SLFN12L: variants seen among roughly 807,000 people sequenced by gnomAD.
SLFN12L encodes schlafen family member 12-like.
Under a neutral mutation model 34.8 loss-of-function variants are expected in SLFN12L, and 34 were observed. That is an observed-to-expected ratio of 0.98 (90% CI 0.74 to 1.30). SLFN12L has a LOEUF of 1.30. Among genes scored for constraint, SLFN12L ranks in the 50% most tolerant of loss-of-function variants. The probability of loss-of-function intolerance (pLI) is 0.00; values close to 1 mark genes in which losing one functional copy is unlikely to be tolerated. For synonymous variants in SLFN12L, 259 were observed against 247.5 expected (o/e 1.05, Z -0.44); for missense variants, 703 against 696.2 (o/e 1.01, Z -0.11).
intron 2 of SLFN12L, among the ~76,000 whole-genome samples, chr17:35,519,114 C>T (rs1274911822): frequency 6.6e-6 from 1 of 152,184 alleles, no homozygotes; most frequent in Non-Finnish European, 1.5e-5. Context: ...CACATGTTCT[C>T]ACTTATGAGT....
Position 35,498,108 on chromosome 17 carries a change from C to T in SLFN12L, c.87-17913G>A, listed in dbSNP as rs973903214. 3.1e-5 allele frequency: 18 copies of T among 590,096 alleles called. No individual in the cohort carries two copies. The African/African-American group carries it at 3.4e-4, about 11-fold the overall frequency. 36.6% of individuals were successfully genotyped at this position (590,096 alleles called of 1,614,324 possible). ...CGGGGCGCGGGGCTCCAGGACACAG[C>T]TGAGCCGGCGGTCAGAGCGAGACCT... On this transcript the variant is annotated intron_variant, in intron 2 of 4. Transcript: ENST00000628453.
At chr17:35,508,225 G>T (rs1038132799) in intron 2 of SLFN12L, among the ~76,000 whole-genome samples, 4 of 152,214 alleles carry the variant, frequency 2.6e-5, no homozygotes, top group Non-Finnish European at 5.9e-5. Flanking sequence ...AGAGCTGTAA[G>T]CCCTTAAAAG....
At chr17:35,481,148 C>T (rs964826864) in intron 2 of SLFN12L, among the ~76,000 whole-genome samples, 1 of 152,232 alleles carries the variant, frequency 6.6e-6, no homozygotes, top group Non-Finnish European at 1.5e-5. Flanking sequence ...AGCGGTAACA[C>T]CAGCGCCAGG....
chr17:35,502,203 A>G (rs1187513397), intron 2 of SLFN12L, among the ~76,000 whole-genome samples: 1 of 151,922 alleles, frequency 6.6e-6, no homozygotes, highest in Non-Finnish European at 1.5e-5. Flanking sequence ...AGCCTATAAC[A>G]CTCCAATACC....
At chr17:35,505,421 C>T (rs1205061458) in intron 2 of SLFN12L, among the ~76,000 whole-genome samples, 1 of 152,200 alleles carries the variant, frequency 6.6e-6, no homozygotes, top group Non-Finnish European at 1.5e-5. Context: ...TCTGCTAGCA[C>T]AAGAGGTGGA....
chr17:35,487,510 A>G (rs1289175207), intron 2 of SLFN12L, among the ~76,000 whole-genome samples: 2 of 149,774 alleles, frequency 1.3e-5, no homozygotes, highest in Non-Finnish European at 3.0e-5. Context: ...GGAGGCTGGA[A>G]GGTTTGGCAG....
Position 35,475,364 on chromosome 17 carries a change from G to C in SLFN12L, c.1398C>G (p.Ile466Met), listed in dbSNP as rs369131378. 2 of 1,614,218 alleles carry C rather than the reference G, an allele frequency of 1.2e-6. No homozygotes were observed. Among genetic ancestry groups the C allele is most frequent in the South Asian group, 1.1e-5 (1 of 91,090 alleles). Residue 466 changes from isoleucine (I) to methionine (M), a missense_variant, in exon 5 of 5, where the codon ATC (isoleucine) becomes ATG (methionine). Coordinates refer to ENST00000628453, the MANE Select transcript of SLFN12L (RefSeq NM_001363830.2). ...EMGSVNKGSL[I>M]FSRSWSLDLG... ...GATCCAAAGACCAGCTCCTAGAGAA[G>C]ATCAGTGAGCCCTTATTGACAGAGC...
At position 35,474,869 on chromosome 17, in the gene SLFN12L, T is replaced by G; in HGVS notation, c.*54A>C. 6.8e-7 allele frequency: 1 copy of G among 1,468,414 alleles called. No individual in the cohort carries two copies. The highest frequency in any genetic ancestry group is 9.0e-7 in the Non-Finnish European group (1 of 1,112,850). The allele number at this position is 1,468,414 out of a possible 1,614,324, so 91.0% of individuals were successfully genotyped here. A position where few individuals can be genotyped will look rare whatever the true frequency, so the allele number is the denominator to read the frequency against. ...TTGCTTGAACCCAGGAGGCAGAGGTTGCAGTGAGTCGAGATCGTGTCACTA... is the reference window on the plus strand; with the variant it reads ...TTGCTTGAACCCAGGAGGCAGAGGTGGCAGTGAGTCGAGATCGTGTCACTA... On this transcript the variant is annotated 3_prime_UTR_variant, in exon 5 of 5. Coordinates refer to ENST00000628453, the MANE Select transcript of SLFN12L (RefSeq NM_001363830.2).
At chr17:35,523,841 G>A (rs966942218) in intron 1 of SLFN12L, among the ~76,000 whole-genome samples, 2 of 152,012 alleles carry the variant, frequency 1.3e-5, no homozygotes, top group Admixed American at 1.3e-4. Flanking sequence ...AGGCTGAGGT[G>A]GGAGGATTGC....
chr17:35,513,662 T>C (rs1915725973), intron 2 of SLFN12L, among the ~76,000 whole-genome samples: 1 of 152,208 alleles, frequency 6.6e-6, no homozygotes, highest in African/African-American at 2.4e-5. Context: ...TCTCCATTCT[T>C]TTCAGGTCTT....
At chr17:35,490,189 G>A in intron 2 of SLFN12L, 1 of 1,602,162 alleles carries the variant, frequency 6.2e-7, no homozygotes. Flanking sequence ...CACCAGCGCT[G>A]GGACGAGGCG....
chr17:35,532,522 A>T (rs2072421733), intron 1 of SLFN12L, among the ~76,000 whole-genome samples: 2 of 152,174 alleles, frequency 1.3e-5, no homozygotes, highest in Non-Finnish European at 2.9e-5. Context: ...CAGAATAAAA[A>T]GCCTGAGGGA....
intron 2 of SLFN12L, chr17:35,499,000 A>G (rs1915197369): frequency 7.0e-6 from 5 of 710,808 alleles, no homozygotes; most frequent in East Asian, 3.5e-5. Flanking sequence ...GTCTGCTTCT[A>G]TAACACCTAG....
intron 2 of SLFN12L, among the ~76,000 whole-genome samples, chr17:35,492,454 A>T (rs1914873557): frequency 6.6e-6 from 1 of 152,174 alleles, no homozygotes; most frequent in Non-Finnish European, 1.5e-5. Context: ...ATGGAGTCAG[A>T]TGGAGAGACC....
chr17:35,515,393 A>G (rs1157455473), intron 2 of SLFN12L, among the ~76,000 whole-genome samples: 4 of 152,160 alleles, frequency 2.6e-5, no homozygotes, highest in African/African-American at 7.2e-5. Flanking sequence ...GTATAGGATT[A>G]CCACTGAGTT....
At chr17:35,535,722 C>T (rs2072454605) in intron 1 of SLFN12L, among the ~76,000 whole-genome samples, 1 of 152,076 alleles carries the variant, frequency 6.6e-6, no homozygotes, top group Non-Finnish European at 1.5e-5. Context: ...GTGGCAGGAT[C>T]TCAGCTAACC....
At position 35,478,180 on chromosome 17, in the gene SLFN12L, C is replaced by A; in HGVS notation, c.1171G>T (p.Glu391Ter). The A allele has an allele frequency of 6.5e-7, 1 of 1,530,376 alleles. No homozygotes were observed. The highest frequency in any genetic ancestry group is 1.2e-5 in the South Asian group (1 of 82,758). 94.8% of individuals were successfully genotyped at this position (1,530,376 alleles called of 1,614,324 possible). A position where few individuals can be genotyped will look rare whatever the true frequency, so the allele number is the denominator to read the frequency against. Residue 391 changes from glutamate to a stop codon, truncating the protein, a stop_gained, in exon 4 of 5, where the codon GAG becomes TAG. Coordinates refer to ENST00000628453, the MANE Select transcript of SLFN12L (RefSeq NM_001363830.2). LOFTEE classifies it high-confidence loss of function. The part of the protein sequence containing the change: ...QFMVDSEPVC[E>*]ELPSPASTSS... ...GTACTTGCTGGAGAGGGCAGTTCCT[C>A]ACATACTATGGAATAATGTTAGAAA...
At chr17:35,509,445 T>C (rs1037794291) in intron 2 of SLFN12L, among the ~76,000 whole-genome samples, 13 of 152,212 alleles carry the variant, frequency 8.5e-5, no homozygotes, top group Non-Finnish European at 1.9e-4. Context: ...GAGATTCTTC[T>C]GTTCTGTTGT....
chr17:35,475,103 A>G lies in SLFN12L; in HGVS notation c.1659T>C (p.Tyr553=). 6.2e-7 allele frequency: 1 copy of G among 1,614,126 alleles called. No individual in the cohort carries two copies. Among genetic ancestry groups the G allele is most frequent in the Non-Finnish European group, 8.5e-7 (1 of 1,179,956 alleles). The change falls in exon 5 of 5, where the codon TAT becomes TAC. Residue 553 remains tyrosine (Y), a synonymous_variant. Coordinates refer to ENST00000628453, the MANE Select transcript of SLFN12L (RefSeq NM_001363830.2). ...GGTAAATTACTTGCGAGTTTAAATC[A>G]TACTGGCAGCTTGTCTTGCCTTCAG... ...LSPEGKTSCQ[Y]DLNSQVIYPE...
Sources: allele counts gnomAD v4.1 joint callset (sites outside exome capture counted in the v4.1 genomes callset), GRCh38; gene constraint gnomAD v4.1.1; transcripts MANE v1.5; gene names NCBI Gene and HGNC (gene_info 2026-07-23, HGNC 2026-07-21).